ZNF280D: variants seen among roughly 807,000 people sequenced by gnomAD.
The protein encoded by ZNF280D is suppressor of hairy wing homolog 4.
In ZNF280D, 39 loss-of-function variants were observed where a neutral mutation model predicts 94.7. That is an observed-to-expected ratio of 0.41 (90% CI 0.32 to 0.54). The LOEUF (loss-of-function observed/expected upper bound fraction) is 0.54, where lower values mean the gene tolerates loss of function less well. Ranked by LOEUF, ZNF280D falls within the 20% of genes least tolerant of loss-of-function variation. The pLI is 0.22. For synonymous variants in ZNF280D, 398 were observed against 377.6 expected, an observed-to-expected ratio of 1.05 and a Z score of -0.63; for missense variants, 1,090 against 1,149.3, an observed-to-expected ratio of 0.95 and a Z score of 0.75.
chr15:56,691,922 G>A (rs1418534350), intron 7 of ZNF280D, among the ~76,000 whole-genome samples: 3 of 152,086 alleles, frequency 2.0e-5, no homozygotes, highest in African/African-American at 7.2e-5. Context: ...TTAACAATAT[G>A]AGAAAACCAA....
rs144638187 is a variant in ZNF280D, at chr15:56,707,843, G to C, written c.-85-537C>G. On this transcript the variant is annotated intron_variant, in intron 1 of 21. Coordinates refer to ENST00000267807, the MANE Select transcript of ZNF280D (RefSeq NM_017661.4). ...TGGAAGGTAATGTGCTAAGCTCAGG[G>C]GAAAACAAAAATGAGTAAGTCACAT... 2.7e-4 allele frequency among the ~76,000 whole-genome samples: 40 copies of C among 150,294 alleles called. No homozygotes were observed. In the East Asian group the frequency reaches 7.0e-3, roughly 26 times the overall value.
At chr15:56,647,619 C>T (rs1481545298) in intron 19 of ZNF280D, among the ~76,000 whole-genome samples, 1 of 152,172 alleles carries the variant, frequency 6.6e-6, no homozygotes, top group African/African-American at 2.4e-5. Flanking sequence ...GTAACCTCCA[C>T]ATCCCAGGCT....
At chr15:56,728,172 T>C (rs1178898404) in intron 1 of ZNF280D, among the ~76,000 whole-genome samples, 4 of 152,048 alleles carry the variant, frequency 2.6e-5, no homozygotes, top group African/African-American at 9.7e-5. Context: ...CACAGGCACA[T>C]GCCACTACAC....
intron 1 of ZNF280D, among the ~76,000 whole-genome samples, chr15:56,712,787 C>T (rs1181764533): frequency 1.4e-4 from 19 of 138,276 alleles, no homozygotes; most frequent in African/African-American, 5.1e-4. Context: ...GTTGCTCAGG[C>T]TGGAGAGCAG....
At chr15:56,732,654 C>G (rs903175342) in intron 1 of ZNF280D, 1 of 151,906 alleles carries the variant, frequency 6.6e-6, no homozygotes, top group Admixed American at 6.6e-5. Context: ...GGCCAAAGGT[C>G]TCCCGTGCTT....
chr15:56,703,957 T>C (rs1451520763), intron 4 of ZNF280D, among the ~76,000 whole-genome samples, 164 bp downstream of exon 4: 1 of 152,202 alleles, frequency 6.6e-6, no homozygotes, highest in African/African-American at 2.4e-5. Context: ...CATTTCTCTT[T>C]TCTGACATCT....
intron 19 of ZNF280D, chr15:56,645,006 C>A (rs2052808662): frequency 6.6e-6 from 1 of 152,012 alleles, no homozygotes. Flanking sequence ...TAGAAAAGCA[C>A]ACAATAAATT....
chr15:56,662,277 C>T (rs982398605), intron 16 of ZNF280D, among the ~76,000 whole-genome samples: 8 of 151,428 alleles, frequency 5.3e-5, no homozygotes, highest in Admixed American at 5.3e-4. Flanking sequence ...AAGAACTGAA[C>T]CTAAAAAATG....
intron 14 of ZNF280D, among the ~76,000 whole-genome samples, chr15:56,667,834 C>T (rs371692691): frequency 5.8e-4 from 88 of 152,022 alleles, no homozygotes; most frequent in Non-Finnish European, 1.0e-3. Flanking sequence ...GCAATACCTG[C>T]CTTATTAACC....
rs1265664693 is a variant in ZNF280D at position 56,722,078 on chromosome 15, G to A, written c.-86+11380C>T. Among the ~76,000 whole-genome samples, 3 of 152,260 alleles carry A rather than the reference G, an allele frequency of 2.0e-5. No individual in the cohort carries two copies. In the East Asian group the frequency reaches 5.8e-4, roughly 29 times the overall value. ...AATATTGCTATGTCTCAGGGAATAA[G>A]GAAGCCCATGGAGAGGAAACTAGGG... On this transcript the variant is annotated intron_variant, in intron 1 of 21. Coordinates refer to ENST00000267807, the MANE Select transcript of ZNF280D (RefSeq NM_017661.4).
At chr15:56,698,580 T>A (rs8033640) in intron 6 of ZNF280D, 1 of 152,202 alleles carries the variant, frequency 6.6e-6, no homozygotes, top group African/African-American at 2.4e-5. Flanking sequence ...CCCCAGGTCC[T>A]GGTATTCAGG....
intron 1 of ZNF280D, among the ~76,000 whole-genome samples, chr15:56,711,886 T>C (rs2057777667): frequency 6.6e-6 from 1 of 152,186 alleles, no homozygotes; most frequent in African/African-American, 2.4e-5. Context: ...ACATCCAAGC[T>C]ATATGGTATA....
In ZNF280D at chr15:56,648,048, T is replaced by C. The variant is rs74968364; in HGVS notation, c.2214-5051A>G. Among the ~76,000 whole-genome samples the C allele has an allele frequency of 1.6e-3, 240 of 152,262 alleles. 3 individuals are homozygous for C. The highest frequency in any genetic ancestry group is 7.7e-3 in the South Asian group (37 of 4,820). On this transcript the variant is annotated intron_variant, in intron 19 of 21. Coordinates refer to ENST00000267807, the MANE Select transcript of ZNF280D (RefSeq NM_017661.4). ...TAAAAATGCTAAAGTTATAAAGCCA[T>C]TAAGCAATAGAAGGAGGATTAAATG... is the stretch of plus-strand genomic sequence containing the variant.
At chr15:56,716,167 A>G (rs2058033456) in intron 1 of ZNF280D, among the ~76,000 whole-genome samples, 2 of 152,106 alleles carry the variant, frequency 1.3e-5, no homozygotes, top group Non-Finnish European at 2.9e-5. Context: ...TGTGTCGGGT[A>G]GGAATACAAT....
chr15:56,693,084 A>G lies in ZNF280D; in HGVS notation c.499+14T>C. 3 of 1,522,290 alleles carry G rather than the reference A, an allele frequency of 2.0e-6. No individual in the cohort carries two copies. Among genetic ancestry groups the G allele is most frequent in the Non-Finnish European group, 2.7e-6 (3 of 1,102,136 alleles). 94.3% of individuals were successfully genotyped at this position (1,522,290 alleles called of 1,614,324 possible). A position where few individuals can be genotyped will look rare whatever the true frequency, so the allele number is the denominator to read the frequency against. On this transcript the variant is annotated intron_variant, in intron 7 of 21. Coordinates refer to ENST00000267807, the MANE Select transcript of ZNF280D (RefSeq NM_017661.4). ...TCTTTCTATAACCTTTATGAAAAAA[A>G]TACTAAAACCAACCTGCCATAGAAA...
In ZNF280D at chr15:56,726,331, C is replaced by A. The variant is rs538517607; in HGVS notation, c.-86+7127G>T. On this transcript the variant is annotated intron_variant, in intron 1 of 21. Coordinates refer to ENST00000267807, the MANE Select transcript of ZNF280D (RefSeq NM_017661.4). ...TAAAGTCCAGTATACTATCAGAGTC[C>A]AAAGGAAACTAGTTTTTTACTTTCT... is the stretch of plus-strand genomic sequence containing the variant. 2.6e-5 allele frequency among the ~76,000 whole-genome samples: 4 copies of A among 152,122 alleles called. No individual in the cohort carries two copies. The South Asian group carries it at 8.3e-4, about 32-fold the overall frequency.
intron 13 of ZNF280D, among the ~76,000 whole-genome samples, chr15:56,672,520 G>T (rs1290513180): frequency 6.6e-6 from 1 of 151,986 alleles, no homozygotes; most frequent in Non-Finnish European, 1.5e-5. Context: ...CCAACCTAGG[G>T]ATAAAGCCTA....
intron 1 of ZNF280D, among the ~76,000 whole-genome samples, chr15:56,725,603 G>A (rs2058591298): frequency 6.6e-6 from 1 of 152,078 alleles, no homozygotes; most frequent in Non-Finnish European, 1.5e-5. Flanking sequence ...CACAGGAAAA[G>A]TATGTGGTAA....
At chr15:56,714,542 T>C (rs1317203241) in intron 1 of ZNF280D, among the ~76,000 whole-genome samples, 1 of 152,146 alleles carries the variant, frequency 6.6e-6, no homozygotes, top group Non-Finnish European at 1.5e-5. Flanking sequence ...AATTCAGTCT[T>C]GAAAGAAGTG....
Sources: allele counts gnomAD v4.1 joint callset (sites outside exome capture counted in the v4.1 genomes callset), GRCh38; gene constraint gnomAD v4.1.1; transcripts MANE v1.5; gene names NCBI Gene and HGNC (gene_info 2026-07-23, HGNC 2026-07-21).